AK5: variants seen among roughly 807,000 people sequenced by gnomAD.
The protein encoded by AK5 is adenylate kinase isoenzyme 5.
In AK5, 27 loss-of-function variants were observed where a neutral mutation model predicts 69.5. The observed-to-expected ratio is 0.39, with a 90% CI of 0.29 to 0.54. The LOEUF is 0.54. AK5 is among the 20% of genes least tolerant of loss of function. The pLI is 0.71. For synonymous variants in AK5, 260 were observed against 244.4 expected (o/e 1.06, Z -0.60); for missense variants, 531 against 700.4 (o/e 0.76, Z 2.73).
At chr1:77,328,071 C>G (rs1660896357) in intron 5 of AK5, among the ~76,000 whole-genome samples, 2 of 152,160 alleles carry the variant, frequency 1.3e-5, no homozygotes, top group South Asian at 4.1e-4. Context: ...TAAATACTAG[C>G]TGAATAAATG....
At chr1:77,507,885 A>G (rs904052840) in intron 10 of AK5, among the ~76,000 whole-genome samples, 1 of 152,192 alleles carries the variant, frequency 6.6e-6, no homozygotes, top group Admixed American at 6.5e-5. Flanking sequence ...TATTTCAAAC[A>G]TACAGCAAGC....
intron 10 of AK5, among the ~76,000 whole-genome samples, chr1:77,503,174 A>G (rs1656825947): frequency 6.6e-6 from 1 of 152,210 alleles, no homozygotes; most frequent in African/African-American, 2.4e-5. Flanking sequence ...AAAATTGCTG[A>G]GAGTTAACAT....
At chr1:77,484,218 T>G (rs943084567) in intron 9 of AK5, among the ~76,000 whole-genome samples, 31 of 151,098 alleles carry the variant, frequency 2.1e-4, no homozygotes, top group African/African-American at 7.3e-4. Context: ...TAGCTATGCA[T>G]GTAACTGAAA....
chr1:77,324,318 C>CGTGTGTGTGTGT (rs10547281), intron 5 of AK5, among the ~76,000 whole-genome samples: 30 of 148,694 alleles, frequency 2.0e-4, no homozygotes, highest in African/African-American at 7.0e-4. Context: ...TCACCATTTG[C>CGTGTGTGTGTGT]GTGTGTGTGT....
chr1:77,300,439 T>G (rs1392750735), intron 5 of AK5, among the ~76,000 whole-genome samples: 2 of 152,332 alleles, frequency 1.3e-5, no homozygotes, highest in East Asian at 3.9e-4. Flanking sequence ...GTCAATGTCA[T>G]CTTTGCTCAT....
In AK5 at chr1:77,559,599, T is replaced by A. The variant is rs1660332636; in HGVS notation, c.*929T>A. The A allele has an allele frequency of 6.6e-6, 1 of 152,096 alleles. No individual in the cohort carries two copies. The highest frequency in any genetic ancestry group is 2.4e-5 in the African/African-American group (1 of 41,408). The allele number at this position is 152,096 out of a possible 1,614,324, so 9.4% of individuals were successfully genotyped here. A position where few individuals can be genotyped will look rare whatever the true frequency, so the allele number is the denominator to read the frequency against. On this transcript the variant is annotated 3_prime_UTR_variant, in exon 14 of 14. Transcript: ENST00000354567. Reference sequence around the variant, plus strand: ...AATACCCTAACAAACCTGATGTGGGTGGGAGGGGCATGTCAGTAAGTGGTG... The same window carrying A: ...AATACCCTAACAAACCTGATGTGGGAGGGAGGGGCATGTCAGTAAGTGGTG...
At chr1:77,318,149 C>T (rs1660337710) in intron 5 of AK5, among the ~76,000 whole-genome samples, 1 of 152,128 alleles carries the variant, frequency 6.6e-6, no homozygotes, top group African/African-American at 2.4e-5. Flanking sequence ...GTTTAAGTGG[C>T]TCACAGTTCC....
Position 77,282,235 on chromosome 1 carries a change from C to T in AK5, c.-79C>T, listed in dbSNP as rs1570303367. Reference sequence around the variant, plus strand: ...CGCTGCTCGGCGCGGACTCTGCCAGCCCCAGCTTCAGCCCCGGCTCAGGTC... The same window carrying T: ...CGCTGCTCGGCGCGGACTCTGCCAGTCCCAGCTTCAGCCCCGGCTCAGGTC... On this transcript the variant is annotated 5_prime_UTR_variant, in exon 1 of 14. Coordinates refer to ENST00000354567, the MANE Select transcript of AK5 (RefSeq NM_174858.3). 4 of 1,390,996 alleles carry T rather than the reference C, an allele frequency of 2.9e-6. No homozygotes were observed. The highest frequency in any genetic ancestry group is 1.5e-5 in the African/African-American group (1 of 68,964). The allele number at this position is 1,390,996 out of a possible 1,614,324, so 86.2% of individuals were successfully genotyped here. A position where few individuals can be genotyped will look rare whatever the true frequency, so the allele number is the denominator to read the frequency against.
chr1:77,476,651 G>C (rs529596913), intron 8 of AK5, among the ~76,000 whole-genome samples: 9 of 152,238 alleles, frequency 5.9e-5, no homozygotes, highest in African/African-American at 9.6e-5. Flanking sequence ...CGGGTCAGCC[G>C]GAGGAAGGCA....
At chr1:77,396,547 T>C (rs1401395677) in intron 6 of AK5, among the ~76,000 whole-genome samples, 1 of 152,188 alleles carries the variant, frequency 6.6e-6, no homozygotes, top group African/African-American at 2.4e-5. Context: ...GTACAAACAA[T>C]ATTAACACAA....
At chr1:77,516,792 C>G (rs1050656039) in intron 10 of AK5, among the ~76,000 whole-genome samples, 2 of 151,864 alleles carry the variant, frequency 1.3e-5, no homozygotes, top group Admixed American at 1.3e-4. Flanking sequence ...GAGAGGGGCC[C>G]GGCACAGTGG....
At chr1:77,527,485 T>A (rs1658354166) in intron 12 of AK5, among the ~76,000 whole-genome samples, 1 of 152,208 alleles carries the variant, frequency 6.6e-6, no homozygotes, top group African/African-American at 2.4e-5. Context: ...AACAAGAAAG[T>A]CATCAACATG....
intron 9 of AK5, among the ~76,000 whole-genome samples, chr1:77,484,436 G>A (rs1248454804): frequency 6.6e-6 from 1 of 152,152 alleles, no homozygotes; most frequent in Middle Eastern, 3.2e-3. Context: ...ACAGATCCAT[G>A]AGCACAAGGT....
At chr1:77,420,398 C>A (rs573019903) in intron 8 of AK5, 20 of 152,064 alleles carry the variant, frequency 1.3e-4, no homozygotes, top group Non-Finnish European at 2.5e-4. Context: ...AAAAAAAATT[C>A]TTTTAAAAAA....
chr1:77,437,528 A>G lies in AK5; in HGVS notation c.1059+19813A>G, dbSNP rs375788819. Among the ~76,000 whole-genome samples, 5 of 152,262 alleles carry G rather than the reference A, an allele frequency of 3.3e-5. No individual in the cohort carries two copies. In the East Asian group the frequency reaches 9.6e-4, roughly 29 times the overall value. On this transcript the variant is annotated intron_variant, in intron 8 of 13. Coordinates refer to ENST00000354567, the MANE Select transcript of AK5 (RefSeq NM_174858.3). ...ATAGGTGATCTTATGAAGGCTGTGG[A>G]CCAAAGCTTTGGGTAAAGCAGTTTC...
intron 8 of AK5, among the ~76,000 whole-genome samples, chr1:77,438,660 C>T (rs925165185): frequency 3.9e-5 from 6 of 152,028 alleles, no homozygotes; most frequent in African/African-American, 1.4e-4. Flanking sequence ...CATAACCAGA[C>T]CAAAATGAAA....
rs150504656 is a variant in AK5 at position 77,488,018 on chromosome 1, G to T, written c.1147+1666G>T. Among the ~76,000 whole-genome samples, 242 of 152,300 alleles carry T rather than the reference G, an allele frequency of 1.6e-3. 1 individual carries two copies. Among genetic ancestry groups the T allele is most frequent in the Non-Finnish European group, 2.7e-3 (185 of 68,014 alleles). On this transcript the variant is annotated intron_variant, in intron 10 of 13. Transcript: ENST00000354567. The stretch of plus-strand genomic sequence containing the variant: ...AAATTAGGTGATTACTTTAGAGAGG[G>T]TGACCAGGGAAGGCTTCCCTAAGAA...
At chr1:77,511,188 C>T (rs1015512992) in intron 10 of AK5, among the ~76,000 whole-genome samples, 1 of 152,072 alleles carries the variant, frequency 6.6e-6, no homozygotes, top group Non-Finnish European at 1.5e-5. Context: ...CCAACAGTAA[C>T]TGCCTCATTT....
chr1:77,394,829 T>C (rs1355112814), intron 6 of AK5, among the ~76,000 whole-genome samples: 2 of 152,186 alleles, frequency 1.3e-5, no homozygotes, highest in African/African-American at 4.8e-5. Flanking sequence ...TCAATAAATA[T>C]TGGTTGAGTC....
Sources: allele counts gnomAD v4.1 joint callset (sites outside exome capture counted in the v4.1 genomes callset), GRCh38; gene constraint gnomAD v4.1.1; transcripts MANE v1.5; gene names NCBI Gene and HGNC (gene_info 2026-07-23, HGNC 2026-07-21).